SNTG1: variants seen among roughly 807,000 people sequenced by gnomAD.
SNTG1 encodes the protein gamma-1-syntrophin.
In SNTG1, 39 loss-of-function variants were observed where a neutral mutation model predicts 74.7. That is an observed-to-expected ratio of 0.52 (90% CI 0.40 to 0.68). SNTG1 has a LOEUF of 0.68. SNTG1 is among the 30% of genes least tolerant of loss of function. The pLI, the probability that SNTG1 is intolerant of heterozygous loss-of-function variation, is 0.00. For synonymous variants in SNTG1, 254 were observed against 217.1 expected (o/e 1.17, Z -1.49); for missense variants, 685 against 609.5 (o/e 1.12, Z -1.30).
At chr8:50,185,616 A>G (rs1458051539) in intron 2 of SNTG1, among the ~76,000 whole-genome samples, 1 of 152,184 alleles carries the variant, frequency 6.6e-6, no homozygotes, top group Non-Finnish European at 1.5e-5. Context: ...GCTTAAGGTC[A>G]TATTTATCAG....
At chr8:49,928,333 C>T (rs909915694) in intron 1 of SNTG1, among the ~76,000 whole-genome samples, 41 of 151,468 alleles carry the variant, frequency 2.7e-4, no homozygotes, top group Middle Eastern at 6.8e-3. Flanking sequence ...TGGGTTCAAG[C>T]GATTCTCCAG....
At chr8:50,133,952 AGG>A (rs1389094069) in intron 1 of SNTG1, among the ~76,000 whole-genome samples, 4 of 152,208 alleles carry the variant, frequency 2.6e-5, no homozygotes, top group African/African-American at 9.6e-5. Flanking sequence ...AGCAGAGAAA[AGG>A]ACAGCTAGTC....
chr8:50,277,123 T>C (rs940887784), intron 2 of SNTG1, among the ~76,000 whole-genome samples: 2 of 152,032 alleles, frequency 1.3e-5, no homozygotes, highest in South Asian at 4.1e-4. Context: ...CCACAGCACC[T>C]GGCCAAAGTG....
chr8:50,343,273 G>A (rs573212029), intron 2 of SNTG1, among the ~76,000 whole-genome samples: 4 of 152,264 alleles, frequency 2.6e-5, no homozygotes, highest in Admixed American at 2.6e-4. Context: ...AGATTACATG[G>A]CATTAATTAC....
intron 1 of SNTG1, among the ~76,000 whole-genome samples, chr8:49,961,204 A>G (rs1413640771): frequency 6.6e-6 from 1 of 152,188 alleles, no homozygotes; most frequent in South Asian, 2.1e-4. Context: ...AGCTGTTTCC[A>G]CTTTAAAATA....
intron 18 of SNTG1, among the ~76,000 whole-genome samples, chr8:50,755,262 C>T (rs1563810197): frequency 6.6e-6 from 1 of 151,698 alleles, no homozygotes. Context: ...CCTATTCACC[C>T]CTATCTTCCC....
chr8:50,124,026 C>T lies in SNTG1; in HGVS notation c.-102-48535C>T, dbSNP rs1439945241. Among the ~76,000 whole-genome samples the T allele has an allele frequency of 2.8e-5, 4 of 142,464 alleles. 1 individual carries two copies. The highest frequency in any genetic ancestry group is 4.7e-5 in the Non-Finnish European group (3 of 63,950). 93.5% of individuals were successfully genotyped at this position (142,464 alleles called of 152,430 possible). The stretch of plus-strand genomic sequence containing the variant: ...CCTTCAGTCAGGATCTGAACTGTGT[C>T]TCCCTCAGATTAATATGTTAAATTC... On this transcript the variant is annotated intron_variant, in intron 1 of 18. Transcript: ENST00000642720.
intron 17 of SNTG1, chr8:50,709,234 T>A (rs545123317): frequency 2.4e-6 from 1 of 414,092 alleles, no homozygotes; most frequent in East Asian, 3.4e-5. Context: ...TGTATCTATC[T>A]ATCAATCATT....
intron 1 of SNTG1, among the ~76,000 whole-genome samples, chr8:49,979,171 T>C (rs574937131): frequency 1.1e-4 from 16 of 152,318 alleles, no homozygotes; most frequent in Admixed American, 8.5e-4. Flanking sequence ...GGCTTAGCAA[T>C]GAGCAGCAGG....
intron 1 of SNTG1, among the ~76,000 whole-genome samples, chr8:50,060,255 C>A (rs1820358410): frequency 6.6e-6 from 1 of 152,034 alleles, no homozygotes; most frequent in Non-Finnish European, 1.5e-5. Flanking sequence ...ATTCTAGATA[C>A]AAGTGCCTTA....
At chr8:50,236,504 G>T (rs1229328784) in intron 2 of SNTG1, among the ~76,000 whole-genome samples, 2 of 146,738 alleles carry the variant, frequency 1.4e-5, no homozygotes, top group South Asian at 2.1e-4. Context: ...AGGCTGGAGT[G>T]CAGTGGCGCT....
chr8:50,374,213 C>A (rs1216961892), intron 2 of SNTG1, among the ~76,000 whole-genome samples: 1 of 152,202 alleles, frequency 6.6e-6, no homozygotes, highest in African/African-American at 2.4e-5. Flanking sequence ...TTAGGCAAAT[C>A]TTCCTGGTGA....
At chr8:50,675,428 C>A (rs1415091630) in intron 15 of SNTG1, among the ~76,000 whole-genome samples, 1 of 151,794 alleles carries the variant, frequency 6.6e-6, no homozygotes, top group Non-Finnish European at 1.5e-5. Flanking sequence ...TCTTCTTTGT[C>A]TTTTTAAATC....
intron 17 of SNTG1, among the ~76,000 whole-genome samples, chr8:50,736,832 A>G (rs893100743): frequency 1.3e-5 from 2 of 152,072 alleles, no homozygotes; most frequent in Non-Finnish European, 2.9e-5. Context: ...TACTGGGTAA[A>G]TAAATGAAAT....
chr8:50,682,502 A>G (rs1417660727), intron 15 of SNTG1, among the ~76,000 whole-genome samples: 1 of 152,154 alleles, frequency 6.6e-6, no homozygotes, highest in Non-Finnish European at 1.5e-5. Flanking sequence ...GTCAAAGAGG[A>G]CAAGGAAGTT....
At chr8:50,081,023 T>C (rs1822354085) in intron 1 of SNTG1, among the ~76,000 whole-genome samples, 1 of 152,154 alleles carries the variant, frequency 6.6e-6, no homozygotes, top group African/African-American at 2.4e-5. Context: ...AATTACAGTG[T>C]CATGATTATC....
intron 2 of SNTG1, among the ~76,000 whole-genome samples, chr8:50,217,848 G>C (rs918497170): frequency 6.6e-5 from 10 of 151,738 alleles, no homozygotes; most frequent in African/African-American, 2.2e-4. Context: ...AGCAGAGTCT[G>C]TGGATGTGAG....
At chr8:50,597,012 T>A (rs2094731905) in intron 13 of SNTG1, among the ~76,000 whole-genome samples, 1 of 151,954 alleles carries the variant, frequency 6.6e-6, no homozygotes, top group Admixed American at 6.6e-5. Flanking sequence ...CAGAACTTAC[T>A]CTTCCTGTGT....
intron 2 of SNTG1, among the ~76,000 whole-genome samples, chr8:50,225,670 G>A (rs1005285943): frequency 3.3e-5 from 5 of 152,118 alleles, no homozygotes; most frequent in Non-Finnish European, 5.9e-5. Flanking sequence ...TTTTGCCAAC[G>A]CCATTAATAT....
Sources: gnomAD v4.1 joint callset for allele counts (sites outside exome capture counted in the v4.1 genomes callset) on GRCh38, gnomAD v4.1.1 for gene constraint, MANE v1.5 for transcripts, NCBI Gene and HGNC (gene_info 2026-07-23, HGNC 2026-07-21) for gene names.